PLEKHM3: variants seen among roughly 807,000 people sequenced by gnomAD.
PLEKHM3 encodes the protein pleckstrin homology domain-containing family M member 3.
In PLEKHM3, 45 loss-of-function variants were observed where a neutral mutation model predicts 81.8. The observed-to-expected ratio is 0.55, with a 90% CI of 0.43 to 0.71. The LOEUF is 0.71. Ranked by LOEUF, PLEKHM3 falls within the 30% of genes least tolerant of loss-of-function variation. The pLI, the probability that PLEKHM3 is intolerant of heterozygous loss-of-function variation, is 0.00. For missense variants in PLEKHM3, 788 were observed against 924.3 expected, an observed-to-expected ratio of 0.85 and a Z score of 1.91; for synonymous variants, 352 against 356.4, an observed-to-expected ratio of 0.99 and a Z score of 0.14.
chr2:207,938,805 A>G (rs1211618106), intron 4 of PLEKHM3, among the ~76,000 whole-genome samples: 1 of 152,140 alleles, frequency 6.6e-6, no homozygotes, highest in East Asian at 1.9e-4. Context: ...TATCCTCTCA[A>G]AATCAAATCT....
intron 1 of PLEKHM3, among the ~76,000 whole-genome samples, chr2:208,020,446 T>C (rs113051622): frequency 2.6e-5 from 4 of 152,236 alleles, no homozygotes; most frequent in South Asian, 2.1e-4. Context: ...ATTAATTACT[T>C]ATGGAACAAA....
At chr2:207,890,921 G>A (rs1012576877) in intron 6 of PLEKHM3, among the ~76,000 whole-genome samples, 6 of 152,098 alleles carry the variant, frequency 3.9e-5, no homozygotes, top group African/African-American at 7.2e-5. Flanking sequence ...ATTTGAAAAA[G>A]CACTTTTATT....
intron 2 of PLEKHM3, among the ~76,000 whole-genome samples, chr2:207,998,402 T>C (rs1574479484): frequency 6.6e-6 from 1 of 152,000 alleles, no homozygotes; most frequent in Non-Finnish European, 1.5e-5. Context: ...GTCCCAGCTA[T>C]TTGGAAGGGT....
At chr2:207,908,220 T>G (rs2105900562) in intron 6 of PLEKHM3, among the ~76,000 whole-genome samples, 1 of 152,320 alleles carries the variant, frequency 6.6e-6, no homozygotes, top group East Asian at 1.9e-4. Flanking sequence ...AGTAAAATTG[T>G]TGGGTCATAT....
chr2:207,982,336 C>T (rs972406753), intron 2 of PLEKHM3, among the ~76,000 whole-genome samples: 4 of 151,138 alleles, frequency 2.6e-5, no homozygotes, highest in African/African-American at 9.7e-5. Context: ...GTGGTACAAA[C>T]ATAGCTCACT....
intron 6 of PLEKHM3, among the ~76,000 whole-genome samples, chr2:207,875,723 A>T (rs2092556740): frequency 6.6e-6 from 1 of 152,164 alleles, no homozygotes; most frequent in Non-Finnish European, 1.5e-5. Context: ...TTGTAGTCTC[A>T]GCTACTTAGG....
chr2:207,873,085 G>A (rs1019421951), intron 6 of PLEKHM3, among the ~76,000 whole-genome samples: 3 of 151,986 alleles, frequency 2.0e-5, no homozygotes, highest in Non-Finnish European at 2.9e-5. Context: ...AGCAAAGAAG[G>A]GAAGAAGTAG....
chr2:207,970,040 GTTCAGGC>G (rs1691057722), intron 3 of PLEKHM3, among the ~76,000 whole-genome samples: 1 of 152,042 alleles, frequency 6.6e-6, no homozygotes, highest in South Asian at 2.1e-4. Flanking sequence ...TCATACTGCT[GTTCAGGC>G]TTAAACAGAG....
chr2:207,969,502 G>C (rs898901942), intron 3 of PLEKHM3, among the ~76,000 whole-genome samples: 1 of 152,120 alleles, frequency 6.6e-6, no homozygotes, highest in Non-Finnish European at 1.5e-5. Context: ...CCAGAAATAC[G>C]TCCTCATTTA....
Position 207,977,813 on chromosome 2 carries a change from C to T in PLEKHM3, c.611-227G>A, listed in dbSNP as rs561443466. 1.7e-3 allele frequency among the ~76,000 whole-genome samples: 253 copies of T among 152,226 alleles called. 1 individual carries two copies. The highest frequency in any genetic ancestry group is 5.6e-3 in the African/African-American group (232 of 41,552). Reference sequence around the variant, plus strand: ...AAAACTGTAACTAGGAGGCTGGGTGCGGTGGCACACACTTCTAATCCCAGC... The same window carrying T: ...AAAACTGTAACTAGGAGGCTGGGTGTGGTGGCACACACTTCTAATCCCAGC... On this transcript the variant is annotated intron_variant, in intron 2 of 7. Transcript: ENST00000427836.
chr2:208,001,345 T>C lies in PLEKHM3; in HGVS notation c.295A>G (p.Arg99Gly), dbSNP rs909337719. ...GAAAGATTATCTGGGGTTGTCCCTCTCTGGACCATAAACTGTTCTTTGGCA... is the reference window on the plus strand; with the variant it reads ...GAAAGATTATCTGGGGTTGTCCCTCCCTGGACCATAAACTGTTCTTTGGCA... ...FPAKEQFMVQ[R>G]GTTPDNLSWM... The change falls in exon 2 of 8, where the codon AGA (arginine) becomes GGA (glycine). Residue 99 changes from arginine (R) to glycine (G), a missense_variant. Transcript: ENST00000427836. 1 of 1,614,126 alleles carries C rather than the reference T, an allele frequency of 6.2e-7. No individual in the cohort carries two copies. Among genetic ancestry groups the C allele is most frequent in the African/African-American group, 1.3e-5 (1 of 74,952 alleles).
At chr2:207,881,961 C>T (rs758997789) in intron 6 of PLEKHM3, among the ~76,000 whole-genome samples, 1 of 152,158 alleles carries the variant, frequency 6.6e-6, no homozygotes, top group Non-Finnish European at 1.5e-5. Flanking sequence ...TGGGAATAAG[C>T]CTGGTTCAAG....
At chr2:207,944,862 C>T (rs894831358) in intron 4 of PLEKHM3, among the ~76,000 whole-genome samples, 2 of 152,140 alleles carry the variant, frequency 1.3e-5, no homozygotes, top group Non-Finnish European at 2.9e-5. Flanking sequence ...AGAAAACATA[C>T]GGTTATTTTT....
rs866080509 is a variant in PLEKHM3, at chr2:207,837,554, C to T, written c.2109-9058G>A. 7.2e-4 allele frequency among the ~76,000 whole-genome samples: 109 copies of T among 151,306 alleles called. 1 individual carries two copies. In the Middle Eastern group the frequency reaches 0.01, roughly 14 times the overall value. On this transcript the variant is annotated intron_variant, in intron 7 of 7. Coordinates refer to ENST00000427836, the MANE Select transcript of PLEKHM3 (RefSeq NM_001080475.3). ...GGCAGAGGTGGCAGTGAGCTGAGATCGCACCACTGCACTCCAGCCTGGGCG... is the reference window on the plus strand; with the variant it reads ...GGCAGAGGTGGCAGTGAGCTGAGATTGCACCACTGCACTCCAGCCTGGGCG...
At chr2:207,930,038 G>A in intron 5 of PLEKHM3, 1 of 558,376 alleles carries the variant, frequency 1.8e-6, no homozygotes, top group Non-Finnish European at 3.2e-6. Flanking sequence ...CCAAGGGTGA[G>A]ACTTTAAATG....
chr2:207,928,538 G>A (rs943170798), intron 5 of PLEKHM3, among the ~76,000 whole-genome samples: 1 of 152,230 alleles, frequency 6.6e-6, no homozygotes, highest in Non-Finnish European at 1.5e-5. Context: ...ACTGTTTTAA[G>A]CACTTCAGTT....
intron 6 of PLEKHM3, among the ~76,000 whole-genome samples, chr2:207,885,143 G>A (rs903769778): frequency 5.9e-5 from 9 of 152,220 alleles, no homozygotes; most frequent in African/African-American, 1.7e-4. Context: ...GGAGCGATCC[G>A]GTGGCGTGGG....
At chr2:207,832,134 C>A (rs1048246193) in intron 7 of PLEKHM3, among the ~76,000 whole-genome samples, 1 of 152,082 alleles carries the variant, frequency 6.6e-6, no homozygotes, top group Non-Finnish European at 1.5e-5. Context: ...CTCTTTCTAA[C>A]CAAAGGTCAG....
At chr2:207,890,696 G>A (rs1688035260) in intron 6 of PLEKHM3, among the ~76,000 whole-genome samples, 1 of 152,146 alleles carries the variant, frequency 6.6e-6, no homozygotes. Context: ...CATCATTTAA[G>A]GGCTCAGTTG....
Sources: allele counts gnomAD v4.1 joint callset (sites outside exome capture counted in the v4.1 genomes callset), GRCh38; gene constraint gnomAD v4.1.1; transcripts MANE v1.5; gene names NCBI Gene and HGNC (gene_info 2026-07-23, HGNC 2026-07-21).